Variants in TOGARAM1 observed in about 807,000 individuals in gnomAD.
The protein encoded by TOGARAM1 is TOG array regulator of axonemal microtubules 1.
In TOGARAM1, 100 loss-of-function variants were observed where a neutral mutation model predicts 166.6. That is an observed-to-expected ratio of 0.60 (90% confidence interval 0.51 to 0.71). The LOEUF (loss-of-function observed/expected upper bound fraction) is 0.71, where lower values mean the gene tolerates loss of function less well. Among genes scored for constraint, TOGARAM1 ranks in the 30% least tolerant of loss-of-function variants. The pLI is 0.00. For synonymous variants in TOGARAM1, 758 were observed against 763.8 expected (o/e 0.99, Z 0.13); for missense variants, 2,029 against 2,102.7 (o/e 0.96, Z 0.69).
At chr14:45,047,248 C>T (rs750403685) in intron 14 of TOGARAM1, among the ~76,000 whole-genome samples, 13 of 151,604 alleles carry the variant, frequency 8.6e-5, no homozygotes, top group Non-Finnish European at 1.5e-4. Flanking sequence ...TAAAATTAGC[C>T]GGGCATGGTG....
At chr14:45,039,286 C>T (rs923554953) in intron 11 of TOGARAM1, among the ~76,000 whole-genome samples, 15 of 152,098 alleles carry the variant, frequency 9.9e-5, no homozygotes, top group African/African-American at 2.9e-4. Flanking sequence ...GAGGGGAGGA[C>T]GTGCATATTG....
chr14:45,047,129 C>T lies in TOGARAM1; in HGVS notation c.4313+426C>T, dbSNP rs147434122. ...GAATAAGGCGGGTCGTGGTGGCTCA[C>T]GCCTGTAATCCCAGCACTTTGGGAG... On this transcript the variant is annotated intron_variant, in intron 14 of 19. Transcript: ENST00000361462. Among the ~76,000 whole-genome samples the T allele has an allele frequency of 4.3e-4, 66 of 152,204 alleles. 1 individual carries two copies. The Middle Eastern group carries it at 0.01, about 24-fold the overall frequency.
At chr14:45,015,464 T>A (rs1880075426) in intron 7 of TOGARAM1, among the ~76,000 whole-genome samples, 2 of 151,722 alleles carry the variant, frequency 1.3e-5, no homozygotes, top group African/African-American at 4.8e-5. Flanking sequence ...ATTTAGTATA[T>A]GTTTTATGGT....
chr14:45,024,837 T>C (rs548907017), intron 7 of TOGARAM1, among the ~76,000 whole-genome samples: 65 of 152,362 alleles, frequency 4.3e-4, no homozygotes, highest in Middle Eastern at 6.8e-3. Context: ...GACAAAACAA[T>C]CTATCTGCTG....
intron 7 of TOGARAM1, among the ~76,000 whole-genome samples, chr14:45,023,389 T>A (rs1312144764): frequency 1.3e-5 from 2 of 152,224 alleles, no homozygotes; most frequent in African/African-American, 4.8e-5. Flanking sequence ...TTGATATTGA[T>A]ACCTGATATT....
At chr14:44,990,144 C>T (rs1160871138) in intron 1 of TOGARAM1, among the ~76,000 whole-genome samples, 1 of 152,152 alleles carries the variant, frequency 6.6e-6, no homozygotes, top group Non-Finnish European at 1.5e-5. Flanking sequence ...TTAACCATAT[C>T]ATAAACATAA....
intron 1 of TOGARAM1, among the ~76,000 whole-genome samples, chr14:44,985,505 G>A (rs996255037): frequency 1.3e-5 from 2 of 152,168 alleles, no homozygotes; most frequent in Admixed American, 6.5e-5. Context: ...ATCATCAGAC[G>A]TTAGATTCTT....
intron 7 of TOGARAM1, among the ~76,000 whole-genome samples, chr14:45,019,701 G>A (rs920458064): frequency 2.0e-5 from 3 of 152,094 alleles, no homozygotes; most frequent in Non-Finnish European, 2.9e-5. Flanking sequence ...CTGATTGGTC[G>A]AGTGTGAGCT....
chr14:45,016,482 C>T (rs1259911992), intron 7 of TOGARAM1, among the ~76,000 whole-genome samples: 1 of 152,178 alleles, frequency 6.6e-6, no homozygotes, highest in Non-Finnish European at 1.5e-5. Context: ...GAGTTCCAGA[C>T]CAACCTGACC....
chr14:45,056,729 T>A (rs1378478546), intron 16 of TOGARAM1, among the ~76,000 whole-genome samples: 1 of 152,152 alleles, frequency 6.6e-6, no homozygotes, highest in East Asian at 1.9e-4. Context: ...TTGATCCTGA[T>A]ATTTTATCTT....
At chr14:44,977,576 A>G (rs1259601154) in intron 1 of TOGARAM1, among the ~76,000 whole-genome samples, 2 of 151,960 alleles carry the variant, frequency 1.3e-5, no homozygotes, top group Non-Finnish European at 2.9e-5. Context: ...AGCTCTTCCT[A>G]TGAGACCCCA....
At chr14:45,054,826 A>G (rs1594697359) in intron 16 of TOGARAM1, among the ~76,000 whole-genome samples, 1 of 152,186 alleles carries the variant, frequency 6.6e-6, no homozygotes, top group Non-Finnish European at 1.5e-5. Flanking sequence ...TTAATTTTTT[A>G]AAAATTTATA....
chr14:45,011,824 C>T (rs1879818134), intron 6 of TOGARAM1, 151 bp from the exon 7 acceptor site: 2 of 550,064 alleles, frequency 3.6e-6, no homozygotes, highest in African/African-American at 2.0e-5. Context: ...TACACACACA[C>T]TGTTAGCCAT....
intron 7 of TOGARAM1, among the ~76,000 whole-genome samples, chr14:45,018,276 G>A (rs1035127583): frequency 1.3e-5 from 2 of 151,604 alleles, no homozygotes; most frequent in Admixed American, 6.6e-5. Flanking sequence ...AGTCTCGTCT[G>A]TTGCTCAGGC....
At chr14:45,038,448 A>C (rs897967211) in intron 11 of TOGARAM1, among the ~76,000 whole-genome samples, 21 of 152,354 alleles carry the variant, frequency 1.4e-4, no homozygotes, top group African/African-American at 5.0e-4. Flanking sequence ...CGGCCACTGC[A>C]CACAGCCAGG....
chr14:44,980,855 A>G (rs1171148670), intron 1 of TOGARAM1, among the ~76,000 whole-genome samples: 1 of 152,190 alleles, frequency 6.6e-6, no homozygotes, highest in African/African-American at 2.4e-5. Context: ...TTCTTTTTAA[A>G]ACAATGTTTA....
chr14:45,026,476 A>C (rs1880847175), intron 8 of TOGARAM1, among the ~76,000 whole-genome samples: 1 of 152,176 alleles, frequency 6.6e-6, no homozygotes. Context: ...GGTTATTTTA[A>C]AACCCTCCTC....
intron 13 of TOGARAM1, among the ~76,000 whole-genome samples, chr14:45,045,573 ATATATATATATGTGTGTGTGTGTG>A (rs1433287608): frequency 7.6e-5 from 3 of 39,408 alleles, no homozygotes; most frequent in Admixed American, 3.4e-4. Flanking sequence ...ATATATATAT[ATATATATATATGTGTGTGTGTGTG>A]TGTGTGTGTG....
In TOGARAM1 at chr14:45,006,067, T is replaced by C. The variant is rs766446658; in HGVS notation, c.2704T>C (p.Ser902Pro). 3 of 1,613,406 alleles carry C rather than the reference T, an allele frequency of 1.9e-6. No homozygotes were observed. The East Asian group carries it at 6.7e-5, about 36-fold the overall frequency. ...QLTPALVRSP[S>P]SRRGLNGTKP... The stretch of plus-strand genomic sequence containing the variant: ...TACACCTGCCTTGGTGAGATCGCCA[T>C]CTTCCCGACGAGGTCTAAATGGGAC... Residue 902 changes from serine to proline, a missense_variant, in exon 5 of 20, where the codon TCT becomes CCT. By Grantham distance (74) the Ser-to-Pro change is moderately conservative. Coordinates refer to ENST00000361462, the MANE Select transcript of TOGARAM1 (RefSeq NM_001308120.2).
Sources: gnomAD v4.1 joint callset for allele counts (sites outside exome capture counted in the v4.1 genomes callset) on GRCh38, gnomAD v4.1.1 for gene constraint, MANE v1.5 for transcripts, NCBI Gene and HGNC (gene_info 2026-07-23, HGNC 2026-07-21) for gene names.